Variants in NUP210 observed in about 807,000 individuals in gnomAD.
The protein encoded by NUP210 is nuclear pore membrane glycoprotein 210.
Under a neutral mutation model 196.0 loss-of-function variants are expected in NUP210, and 151 were observed. That is an observed-to-expected ratio of 0.77 (90% CI 0.67 to 0.88). The LOEUF is 0.88. NUP210 is among the 40% of genes least tolerant of loss of function. The pLI, the probability that NUP210 is intolerant of heterozygous loss-of-function variation, is 0.00. For missense variants in NUP210, 2,314 were observed against 2,493.7 expected (o/e 0.93, Z 1.53); for synonymous variants, 1,070 against 1,052.7 (o/e 1.02, Z -0.32).
chr3:13,346,168 G>A (rs1183027858), intron 20 of NUP210, among the ~76,000 whole-genome samples: 5 of 152,222 alleles, frequency 3.3e-5, no homozygotes, highest in South Asian at 4.1e-4. Flanking sequence ...CCCTCGAAGC[G>A]TGGCCTGCCC....
At chr3:13,389,333 C>T (rs553657894) in intron 4 of NUP210, among the ~76,000 whole-genome samples, 2 of 152,318 alleles carry the variant, frequency 1.3e-5, no homozygotes, top group East Asian at 3.9e-4. Context: ...TTCAGCATCC[C>T]CTCAACATCC....
rs1210277733 is a variant in NUP210, at chr3:13,341,983, TAGG to T, written c.3092+10_3092+12del. 2.2e-5 allele frequency: 35 copies of T among 1,613,874 alleles called. No homozygotes were observed. Among genetic ancestry groups the T allele is most frequent in the Non-Finnish European group, 2.5e-5 (30 of 1,179,942 alleles). Reference sequence around the variant, plus strand: ...CTCTGAGGTGCCCTCCTCTGACCCCTAGGAGAACTCACACCAATGTAATGATCG... The same window carrying T: ...CTCTGAGGTGCCCTCCTCTGACCCCTAGAACTCACACCAATGTAATGATCG... On this transcript the variant is annotated intron_variant, in intron 22 of 39. Transcript: ENST00000254508.
In NUP210 at chr3:13,365,968, A is replaced by G. The variant is rs1559330484; in HGVS notation, c.1910T>C (p.Ile637Thr). Reference protein sequence around the residue: ...GHVHLSAKITIAAYLPLKAVD... With the variant: ...GHVHLSAKITTAAYLPLKAVD... Reference sequence around the variant, plus strand: ...CACCTTGAGGGGCAGGTAGGCAGCAATGGTGATCTTGGCACTCAGGTGGAC... The same window carrying G: ...CACCTTGAGGGGCAGGTAGGCAGCAGTGGTGATCTTGGCACTCAGGTGGAC... The change falls in exon 14 of 40, where the codon ATT becomes ACT. Residue 637 changes from isoleucine to threonine, a missense_variant. Coordinates refer to ENST00000254508, the MANE Select transcript of NUP210 (RefSeq NM_024923.4). 6.2e-7 allele frequency: 1 copy of G among 1,614,124 alleles called. No individual in the cohort carries two copies.
At chr3:13,343,870 G>A (rs1236141989) in intron 20 of NUP210, among the ~76,000 whole-genome samples, 1 of 152,132 alleles carries the variant, frequency 6.6e-6, no homozygotes, top group African/African-American at 2.4e-5. Context: ...ACAGAGCCTG[G>A]GAGTGACCCG....
intron 4 of NUP210, among the ~76,000 whole-genome samples, chr3:13,389,960 CGTT>C (rs1440641698): frequency 6.6e-6 from 1 of 152,164 alleles, no homozygotes; most frequent in East Asian, 1.9e-4. Context: ...TCTTCACAAG[CGTT>C]GTGGTGTCCA....
chr3:13,415,566 G>A (rs542281743), intron 1 of NUP210, among the ~76,000 whole-genome samples: 2 of 152,306 alleles, frequency 1.3e-5, no homozygotes, highest in East Asian at 1.9e-4. Context: ...CACTCTCAAC[G>A]AAAAGAGCAG....
At chr3:13,408,307 ATTTT>A (rs201130455) in intron 1 of NUP210, among the ~76,000 whole-genome samples, 1 of 150,196 alleles carries the variant, frequency 6.7e-6, no homozygotes, top group African/African-American at 2.5e-5. Context: ...GGTCTGTGGG[ATTTT>A]TTTTTTCTTA....
intron 10 of NUP210, 122 bp downstream of exon 10, chr3:13,376,169 A>G: frequency 2.1e-6 from 2 of 955,954 alleles, no homozygotes; most frequent in Non-Finnish European, 3.2e-6. Flanking sequence ...AGTAGCCCAA[A>G]CAGGAAAAGG....
intron 25 of NUP210, among the ~76,000 whole-genome samples, chr3:13,339,197 A>G (rs1158998015): frequency 6.6e-6 from 1 of 152,048 alleles, no homozygotes; most frequent in African/African-American, 2.4e-5. Flanking sequence ...ATTTCCCTGC[A>G]CCCCCTCTAG....
At position 13,379,110 on chromosome 3, in the gene NUP210, C is replaced by T. The variant is rs2046463017; in HGVS notation, c.977-130G>A. The T allele has an allele frequency of 1.3e-6, 1 of 797,204 alleles. No individual in the cohort carries two copies. The highest frequency in any genetic ancestry group is 2.2e-6 in the Non-Finnish European group (1 of 459,742). 49.4% of individuals were successfully genotyped at this position (797,204 alleles called of 1,614,324 possible). ...AGAAGAAGAGGGGATGAAAACTCCC[C>T]TGGCTTAGGCCACGTAGAGCAAAGG... On this transcript the variant is annotated intron_variant, in intron 7 of 39. Coordinates refer to ENST00000254508, the MANE Select transcript of NUP210 (RefSeq NM_024923.4). The surrounding 1 kb of genome is among the most constrained non-coding windows in gnomAD (Gnocchi z 4.2).
intron 28 of NUP210, among the ~76,000 whole-genome samples, chr3:13,332,853 G>T (rs977296539): frequency 9.2e-5 from 14 of 152,206 alleles, no homozygotes; most frequent in Non-Finnish European, 1.0e-4. Flanking sequence ...GCCCAGTGAG[G>T]AAGAACTTTA....
rs565307 is a variant in NUP210, at chr3:13,317,785, G to T, written c.5564-4C>A. 3 of 1,600,442 alleles carry T rather than the reference G, an allele frequency of 1.9e-6. No homozygotes were observed. The highest frequency in any genetic ancestry group is 2.6e-6 in the Non-Finnish European group (3 of 1,171,606). On this transcript the variant is annotated splice_region_variant and splice_polypyrimidine_tract_variant and intron_variant, in intron 39 of 39. Transcript: ENST00000254508. The stretch of plus-strand genomic sequence containing the variant: ...GTGGGTGATGAGGCAGCGAAATCTA[G>T]GGTGGGAAGAGAGACGATGTTAGCA...
intron 18 of NUP210, 105 bp from the exon 19 acceptor site, chr3:13,352,289 C>T (rs2124879067): frequency 2.6e-6 from 2 of 777,402 alleles, no homozygotes; most frequent in Non-Finnish European, 4.3e-6. Flanking sequence ...CTCCTGGCCA[C>T]AAGCCCCTGG....
rs777811791 is a variant in NUP210, at chr3:13,352,114, T to C, written c.2699A>G (p.Glu900Gly). 1 of 1,614,062 alleles carries C rather than the reference T, an allele frequency of 6.2e-7. No homozygotes were observed. The highest frequency in any genetic ancestry group is 1.1e-5 in the South Asian group (1 of 91,066). Residue 900 changes from glutamate to glycine, a missense_variant, in exon 19 of 40, where the codon GAA becomes GGA. Coordinates refer to ENST00000254508, the MANE Select transcript of NUP210 (RefSeq NM_024923.4). Reference sequence around the variant, plus strand: ...AGGGTGGTTGTAGATGGTCACCTCTTCTGGGCTCACCCTCACGTCCTCCAC... The same window carrying C: ...AGGGTGGTTGTAGATGGTCACCTCTCCTGGGCTCACCCTCACGTCCTCCAC... ...ILVEDVRVSP[E>G]EVTIYNHPGI...
At chr3:13,343,059 G>T in intron 21 of NUP210, 116 bp downstream of exon 21, 1 of 1,244,894 alleles carries the variant, frequency 8.0e-7, no homozygotes, top group Non-Finnish European at 1.1e-6. Context: ...ACAGGGGAAG[G>T]GATGCAGACC....
chr3:13,327,937 A>C (rs1559308278), intron 31 of NUP210, among the ~76,000 whole-genome samples: 1 of 152,222 alleles, frequency 6.6e-6, no homozygotes, highest in Non-Finnish European at 1.5e-5. Context: ...CACCTGCCAC[A>C]GGGCAGGTGC....
intron 34 of NUP210, 130 bp from the exon 35 acceptor site, chr3:13,322,469 G>T: frequency 1.0e-6 from 1 of 1,004,130 alleles, no homozygotes. Context: ...CAGGGCCCCA[G>T]GGCGGCTCAA....
At position 13,319,890 on chromosome 3, in the gene NUP210, C is replaced by T. The variant is rs908359038; in HGVS notation, c.5256G>A (p.Leu1752=). Residue 1752 remains leucine, a synonymous_variant, in exon 37 of 40, where the codon TTG becomes TTA. Coordinates refer to ENST00000254508, the MANE Select transcript of NUP210 (RefSeq NM_024923.4). The part of the protein sequence containing the change: ...PSFITYTVGV[L]DPAAGSQGPL... ...GCCCTTGGCTGCCAGCCGCGGGGTC[C>T]AAGACGCCGACCGTGTATGTGATGA... 16 of 1,614,064 alleles carry T rather than the reference C, an allele frequency of 9.9e-6. No homozygotes were observed. The highest frequency in any genetic ancestry group is 5.3e-5 in the African/African-American group (4 of 74,936).
At chr3:13,394,732 AGGGTGCCACTGTTCG>A (rs1699597225) in intron 3 of NUP210, among the ~76,000 whole-genome samples, 1 of 152,360 alleles carries the variant, frequency 6.6e-6, no homozygotes, top group South Asian at 2.1e-4. Context: ...ATGGGCAGCC[AGGGTGCCACTGTTCG>A]TTGAGCAATT....
Sources: allele counts gnomAD v4.1 joint callset (sites outside exome capture counted in the v4.1 genomes callset), GRCh38; gene constraint gnomAD v4.1.1; non-coding constraint Gnocchi (gnomAD v3.1); transcripts MANE v1.5; gene names NCBI Gene and HGNC (gene_info 2026-07-23, HGNC 2026-07-21).